The following SNX9 variants were observed in gnomAD, a reference collection of about 807,000 sequenced individuals.
SNX9 encodes sorting nexin-9.
In SNX9, 44 loss-of-function variants were observed where a neutral mutation model predicts 89.4. The observed-to-expected ratio is 0.49, with a 90% CI of 0.39 to 0.63. The LOEUF (loss-of-function observed/expected upper bound fraction) is 0.63. SNX9 is among the 30% of genes least tolerant of loss of function. The pLI, the probability that SNX9 is intolerant of heterozygous loss-of-function variation, is 0.00. For missense variants in SNX9, 578 were observed against 736.1 expected (o/e 0.79, Z 2.49); for synonymous variants, 236 against 247.8 (o/e 0.95, Z 0.45).
At chr6:157,928,792 T>C in intron 12 of SNX9, 90 bp downstream of exon 12, 1 of 998,588 alleles carries the variant, frequency 1.0e-6, no homozygotes, top group African/African-American at 1.7e-5. Flanking sequence ...ACCTGCTGCC[T>C]CGAACAGAAG....
At chr6:157,834,158 T>TTTTG (rs1562588742) in intron 1 of SNX9, among the ~76,000 whole-genome samples, 7 of 94,804 alleles carry the variant, frequency 7.4e-5, no homozygotes, top group African/African-American at 3.5e-4. Context: ...TGGTTTTTTT[T>TTTTG]TTTTTTTTTT....
intron 1 of SNX9, among the ~76,000 whole-genome samples, chr6:157,852,107 T>C (rs1781926341): frequency 1.3e-5 from 2 of 152,232 alleles, no homozygotes. Flanking sequence ...TCTGAGTCCC[T>C]GCTTTCAGTT....
intron 17 of SNX9, 100 bp downstream of exon 17, chr6:157,941,074 C>A: frequency 9.4e-7 from 1 of 1,064,520 alleles, no homozygotes; most frequent in Non-Finnish European, 1.4e-6. Flanking sequence ...TTCTTTAATC[C>A]TAAGTAATAA....
At chr6:157,826,950 T>TTATAGTTTATATAATATATAAAA (rs1781372656) in intron 1 of SNX9, among the ~76,000 whole-genome samples, 2 of 86,710 alleles carry the variant, frequency 2.3e-5, no homozygotes, top group East Asian at 2.7e-4. Context: ...ATAAAATATA[T>TTATAGTTTATATAATATATAAAA]TATAGTTTAT....
At chr6:157,931,414 G>A (rs1783808451) in intron 12 of SNX9, among the ~76,000 whole-genome samples, 1 of 152,166 alleles carries the variant, frequency 6.6e-6, no homozygotes, top group South Asian at 2.1e-4. Flanking sequence ...GTCTTTAAAT[G>A]CAAATAATGG....
At chr6:157,862,446 C>T (rs2115130561) in intron 1 of SNX9, among the ~76,000 whole-genome samples, 1 of 152,292 alleles carries the variant, frequency 6.6e-6, no homozygotes, top group East Asian at 1.9e-4. Context: ...CAAAACTTCA[C>T]TTCTCGAGGG....
At chr6:157,913,882 T>G (rs1028870908) in intron 9 of SNX9, among the ~76,000 whole-genome samples, 58 of 152,246 alleles carry the variant, frequency 3.8e-4, no homozygotes, top group African/African-American at 1.4e-3. Context: ...CATAGCTTGT[T>G]TATCCATTCA....
At chr6:157,870,957 C>T (rs1400648648) in intron 2 of SNX9, among the ~76,000 whole-genome samples, 2 of 152,266 alleles carry the variant, frequency 1.3e-5, no homozygotes, top group Admixed American at 1.3e-4. Flanking sequence ...CACAGAGCTC[C>T]TGTGGAAGGA....
chr6:157,885,612 C>T (rs901819771), intron 4 of SNX9, among the ~76,000 whole-genome samples: 5 of 152,166 alleles, frequency 3.3e-5, no homozygotes, highest in African/African-American at 7.2e-5. Context: ...GTGGTATAGT[C>T]GTAAGATGGG....
intron 16 of SNX9, among the ~76,000 whole-genome samples, chr6:157,939,224 A>G (rs1432690856): frequency 6.6e-6 from 1 of 152,048 alleles, no homozygotes; most frequent in Non-Finnish European, 1.5e-5. Context: ...CTGTTGGCGG[A>G]TGGGTGGATG....
rs752847043 is a variant in SNX9, at chr6:157,940,904, G to A, written c.1670G>A (p.Ser557Asn). 3.1e-6 allele frequency: 5 copies of A among 1,614,188 alleles called. No homozygotes were observed. The East Asian group carries it at 8.9e-5, about 29-fold the overall frequency. The change falls in exon 17 of 18, where the codon AGT becomes AAT. Residue 557 changes from serine to asparagine, a missense_variant. Around this residue, in one of 2 missense-constraint regions of SNX9, gnomAD observed 348 missense variants for 491.4 expected, o/e 0.71. Transcript: ENST00000392185. Reference protein sequence around the residue: ...ALQAEMNHFHSNRIYDYNSVI... With the variant: ...ALQAEMNHFHNNRIYDYNSVI... ...GTAGCTGAGATGAATCACTTTCACAGTAACCGGATCTATGATTACAACAGT... is the reference window on the plus strand; with the variant it reads ...GTAGCTGAGATGAATCACTTTCACAATAACCGGATCTATGATTACAACAGT...
At chr6:157,877,650 G>C (rs145430665) in intron 4 of SNX9, among the ~76,000 whole-genome samples, 5 of 152,146 alleles carry the variant, frequency 3.3e-5, no homozygotes, top group African/African-American at 1.2e-4. Context: ...CTGCTTGGGA[G>C]GCTCTGATTG....
At chr6:157,911,314 C>T (rs1444339769) in intron 9 of SNX9, among the ~76,000 whole-genome samples, 1 of 152,110 alleles carries the variant, frequency 6.6e-6, no homozygotes, top group East Asian at 1.9e-4. Flanking sequence ...GAGATGCTCA[C>T]CTGAACCTAG....
chr6:157,932,080 A>C (rs1188055455), intron 12 of SNX9, 115 bp from the exon 13 acceptor site: 1 of 811,878 alleles, frequency 1.2e-6, no homozygotes, highest in Non-Finnish European at 2.0e-6. Flanking sequence ...TTGTGAAGGA[A>C]TATATAGACT....
Position 157,853,014 on chromosome 6 carries a change from G to A in SNX9, c.13-14533G>A, listed in dbSNP as rs148553143. On this transcript the variant is annotated intron_variant, in intron 1 of 17. Transcript: ENST00000392185. Reference sequence around the variant, plus strand: ...AGTTTTTTTGTTTGTTTGTTTGTTTGTTTTGCATGGCCCATGTATTTACCA... The same window carrying A: ...AGTTTTTTTGTTTGTTTGTTTGTTTATTTTGCATGGCCCATGTATTTACCA... Among the ~76,000 whole-genome samples, 21 of 151,696 alleles carry A rather than the reference G, an allele frequency of 1.4e-4. No homozygotes were observed. The East Asian group carries it at 3.9e-3, about 28-fold the overall frequency.
chr6:157,874,792 T>C, intron 3 of SNX9: 1 of 305,904 alleles, frequency 3.3e-6, no homozygotes, highest in East Asian at 6.9e-5. Context: ...AATCTGTAAA[T>C]ACTTAGAGAT....
At chr6:157,884,067 G>A (rs977881303) in intron 4 of SNX9, among the ~76,000 whole-genome samples, 1 of 152,154 alleles carries the variant, frequency 6.6e-6, no homozygotes, top group African/African-American at 2.4e-5. Context: ...GGAGAAGTTT[G>A]TGTTCTTAAC....
intron 3 of SNX9, chr6:157,874,509 G>A (rs1372202599): frequency 6.6e-6 from 1 of 152,172 alleles, no homozygotes; most frequent in African/African-American, 2.4e-5. Context: ...CCCTCTATTA[G>A]AAATAGATCC....
intron 1 of SNX9, among the ~76,000 whole-genome samples, chr6:157,824,007 CTGT>C (rs1233586256): frequency 6.6e-6 from 1 of 152,226 alleles, no homozygotes; most frequent in African/African-American, 2.4e-5. Context: ...GCCTTCGCTG[CTGT>C]TATTTTTTTC....
Sources: gnomAD v4.1 joint callset for allele counts (sites outside exome capture counted in the v4.1 genomes callset) on GRCh38, gnomAD v4.1.1 for gene constraint, gnomAD v4.1.1 regional missense constraint, MANE v1.5 for transcripts, NCBI Gene and HGNC (gene_info 2026-07-23, HGNC 2026-07-21) for gene names.